The following PCDHA3 variants were observed in gnomAD, a reference collection of about 807,000 sequenced individuals.
The protein encoded by PCDHA3 is protocadherin alpha 3, also known as protocadherin alpha-3.
PCDHA3 carries 41 observed loss-of-function variants against 62.2 expected under a neutral mutation model. The ratio of observed to expected loss-of-function variants is 0.66; its 90% confidence interval spans 0.51 to 0.86. The LOEUF (loss-of-function observed/expected upper bound fraction) is 0.86. PCDHA3 is among the 40% of genes least tolerant of loss of function. The pLI is 0.00. For missense variants in PCDHA3, 1,304 were observed against 1,241.2 expected (o/e 1.05, Z -0.76); for synonymous variants, 640 against 555.4 (o/e 1.15, Z -2.14).
At position 140,850,706 on chromosome 5, in the gene PCDHA3, G is replaced by A. The variant is rs2150495171; in HGVS notation, c.2394+47115G>A. ...AGGGCGAGTGCGCGCCTGGCAAGCC[G>A]ACGCTGGTGTGTTCTAGCGCGGTGG... is the stretch of plus-strand genomic sequence containing the variant. On this transcript the variant is annotated intron_variant, in intron 1 of 3. Coordinates refer to ENST00000522353, the MANE Select transcript of PCDHA3 (RefSeq NM_018906.3). 7 of 1,598,146 alleles carry A rather than the reference G, an allele frequency of 4.4e-6. No individual in the cohort carries two copies. In the East Asian group the frequency reaches 1.3e-4, roughly 31 times the overall value.
intron 1 of PCDHA3, among the ~76,000 whole-genome samples, chr5:140,956,090 C>T (rs964801271): frequency 1.3e-5 from 2 of 152,162 alleles, no homozygotes; most frequent in Non-Finnish European, 2.9e-5. Flanking sequence ...ATGTCATCTG[C>T]AAACAAAGAT....
intron 1 of PCDHA3, chr5:140,860,548 T>C (rs1219356676): frequency 6.6e-6 from 1 of 152,138 alleles, no homozygotes; most frequent in Non-Finnish European, 1.5e-5. Flanking sequence ...CAAACCCACC[T>C]TTGAAGAGGT....
chr5:140,960,789 T>C (rs1221128371), intron 1 of PCDHA3, among the ~76,000 whole-genome samples: 3 of 152,058 alleles, frequency 2.0e-5, no homozygotes. Context: ...CCAAACAAGG[T>C]TTCTATTAAA....
chr5:140,994,460 T>C (rs1260062613), intron 3 of PCDHA3, among the ~76,000 whole-genome samples: 1 of 152,124 alleles, frequency 6.6e-6, no homozygotes, highest in African/African-American at 2.4e-5. Context: ...CCCAGCACTT[T>C]GGGAGGCTGA....
Position 140,801,638 on chromosome 5 carries a change from G to A in PCDHA3, c.441G>A (p.Gln147=), listed in dbSNP as rs782515708. ...VKNLFISESR[Q]PGSRFSLEGA... is the part of the protein sequence containing the mutation. ...ATCTGTTTATTTCCGAATCCCGACAGCCTGGCTCTCGGTTTTCGCTAGAGG... is the reference window on the plus strand; with the variant it reads ...ATCTGTTTATTTCCGAATCCCGACAACCTGGCTCTCGGTTTTCGCTAGAGG... The change falls in exon 1 of 4, where the codon CAG becomes CAA. Residue 147 remains glutamine, a synonymous_variant. Transcript: ENST00000522353. The A allele has an allele frequency of 1.9e-6, 3 of 1,614,204 alleles. No individual in the cohort carries two copies. Among genetic ancestry groups the A allele is most frequent in the South Asian group, 2.2e-5 (2 of 91,080 alleles).
rs144129472 is a variant in PCDHA3, at chr5:140,829,658, C to T, written c.2394+26067C>T. ...CGGCAAGGTGTACGCGCTGCAGCCG[C>T]TGGACCACGAGGAGCTAGAGCTGCT... On this transcript the variant is annotated intron_variant, in intron 1 of 3. Transcript: ENST00000522353. 146 of 1,612,562 alleles carry T rather than the reference C, an allele frequency of 9.1e-5. 1 individual carries two copies. The African/African-American group carries it at 1.1e-3, about 12-fold the overall frequency.
intron 1 of PCDHA3, chr5:140,928,805 T>C (rs1554206331): frequency 6.2e-7 from 1 of 1,614,162 alleles, no homozygotes. Context: ...GTGGTAGTGG[T>C]TCGGGACCAT....
intron 1 of PCDHA3, chr5:140,856,071 TG>T: frequency 6.3e-7 from 1 of 1,591,920 alleles, no homozygotes; most frequent in East Asian, 2.2e-5. Flanking sequence ...TGTAGCTGCC[TG>T]GGGGTCCAGT....
At chr5:140,926,863 G>T (rs2083606655) in intron 1 of PCDHA3, 6 of 1,523,054 alleles carry the variant, frequency 3.9e-6, no homozygotes, top group Non-Finnish European at 5.3e-6. Flanking sequence ...GGTGTAGCGT[G>T]TTGGTGGAAC....
intron 1 of PCDHA3, among the ~76,000 whole-genome samples, chr5:140,846,696 G>A (rs1487069290): frequency 1.3e-5 from 2 of 149,188 alleles, no homozygotes; most frequent in African/African-American, 2.5e-5. Context: ...TTAGCAAGTA[G>A]AGAAGATTGT....
chr5:140,897,345 C>A (rs1291203410), intron 1 of PCDHA3, among the ~76,000 whole-genome samples: 2 of 126,562 alleles, frequency 1.6e-5, no homozygotes, highest in African/African-American at 6.0e-5. Flanking sequence ...CCCCCCACCC[C>A]ACAACTGTCC....
chr5:140,823,977 C>G (rs2150131083), intron 1 of PCDHA3: 2 of 1,614,044 alleles, frequency 1.2e-6, no homozygotes, highest in Non-Finnish European at 1.7e-6. Flanking sequence ...GCACACGGGG[C>G]AAGCCCACTC....
intron 1 of PCDHA3, among the ~76,000 whole-genome samples, chr5:140,901,586 T>C (rs550614771): frequency 9.2e-5 from 14 of 152,348 alleles, no homozygotes; most frequent in African/African-American, 3.4e-4. Context: ...AGTGCCATGA[T>C]GTTTTGGTTA....
rs2150128727 is a variant in PCDHA3 at position 140,823,745 on chromosome 5, C to T, written c.2394+20154C>T. 9 of 1,613,834 alleles carry T rather than the reference C, an allele frequency of 5.6e-6. No homozygotes were observed. The highest frequency in any genetic ancestry group is 5.5e-5 in the South Asian group (5 of 91,084). On this transcript the variant is annotated intron_variant, in intron 1 of 3. Coordinates refer to ENST00000522353, the MANE Select transcript of PCDHA3 (RefSeq NM_018906.3). ...CTGGTGAAGGACCATGGAGAGCCCCCGCTGACAGCCACAGCCACAGTGCTG... is the reference window on the plus strand; with the variant it reads ...CTGGTGAAGGACCATGGAGAGCCCCTGCTGACAGCCACAGCCACAGTGCTG...
intron 1 of PCDHA3, chr5:140,835,557 C>CG: frequency 5.0e-6 from 8 of 1,613,936 alleles, no homozygotes; most frequent in African/African-American, 1.3e-5. Context: ...CCTGACGCCC[C>CG]GCGTTCCCTT....
intron 1 of PCDHA3, among the ~76,000 whole-genome samples, chr5:140,897,318 A>T (rs1420123207): frequency 1.4e-5 from 2 of 145,668 alleles, no homozygotes; most frequent in African/African-American, 2.5e-5. Flanking sequence ...TATCTCCTAA[A>T]GCTATCCCTC....
intron 1 of PCDHA3, among the ~76,000 whole-genome samples, chr5:140,887,146 G>A (rs1160453059): frequency 9.9e-5 from 15 of 151,600 alleles, no homozygotes; most frequent in Non-Finnish European, 2.1e-4. Context: ...GCCCAGGCTG[G>A]AGTACAGTGG....
chr5:140,870,318 G>A (rs372041974), intron 1 of PCDHA3: 11 of 1,614,060 alleles, frequency 6.8e-6, no homozygotes, highest in African/African-American at 4.0e-5. Flanking sequence ...ATTACTACTC[G>A]TTGGTGCTGG....
chr5:140,951,084 T>C (rs190031878), intron 1 of PCDHA3, among the ~76,000 whole-genome samples: 2 of 152,168 alleles, frequency 1.3e-5, no homozygotes, highest in African/African-American at 4.8e-5. Context: ...ATATTTTCCT[T>C]TTTTTCTGAT....
Sources: gnomAD v4.1 joint callset for allele counts (sites outside exome capture counted in the v4.1 genomes callset) on GRCh38, gnomAD v4.1.1 for gene constraint, MANE v1.5 for transcripts, NCBI Gene and HGNC (gene_info 2026-07-23, HGNC 2026-07-21) for gene names.